PDS5A: variants seen among roughly 807,000 people sequenced by gnomAD.
PDS5A encodes the protein sister chromatid cohesion protein PDS5 homolog A.
A neutral mutation model predicts 167.1 loss-of-function variants in PDS5A; 42 were observed. The observed-to-expected ratio is 0.25, with a 90% CI of 0.20 to 0.33. The LOEUF (loss-of-function observed/expected upper bound fraction) is 0.33. Among genes scored for constraint, PDS5A ranks in the 10% least tolerant of loss-of-function variants. PDS5A has a pLI of 1.00. For synonymous variants in PDS5A, 553 were observed against 554.6 expected, an observed-to-expected ratio of 1.00 and a Z score of 0.04; for missense variants, 1,033 against 1,605.9, an observed-to-expected ratio of 0.64 and a Z score of 6.10.
chr4:39,885,056 A>C lies in PDS5A; in HGVS notation c.1886+5193T>G, dbSNP rs201977895. On this transcript the variant is annotated intron_variant, in intron 17 of 32. Transcript: ENST00000303538. The stretch of plus-strand genomic sequence containing the variant: ...GGTGGGCAGATTGCTTGAGCACAGG[A>C]GCTCGAGACCAGCCTGGCCAAGATG... Among the ~76,000 whole-genome samples the C allele has an allele frequency of 2.0e-5, 3 of 152,150 alleles. No individual in the cohort carries two copies. The East Asian group carries it at 5.8e-4, about 29-fold the overall frequency.
At chr4:39,957,947 G>C (rs1729117130) in intron 2 of PDS5A, among the ~76,000 whole-genome samples, 1 of 152,084 alleles carries the variant, frequency 6.6e-6, no homozygotes. Context: ...CCTGAGGTCA[G>C]GAGTTCAAGA....
chr4:39,896,047 T>A (rs1302947051), intron 16 of PDS5A, among the ~76,000 whole-genome samples: 1 of 148,304 alleles, frequency 6.7e-6, no homozygotes, highest in South Asian at 2.2e-4. Context: ...TTTTAGCTTT[T>A]AAAAAAATTT....
At chr4:39,971,201 C>A (rs532176806) in intron 2 of PDS5A, among the ~76,000 whole-genome samples, 2 of 152,232 alleles carry the variant, frequency 1.3e-5, no homozygotes, top group South Asian at 4.1e-4. Flanking sequence ...CTTTGTCACC[C>A]AGGCTGGAGT....
intron 9 of PDS5A, 88 bp downstream of exon 9, chr4:39,913,523 G>A: frequency 2.9e-6 from 2 of 686,960 alleles, no homozygotes; most frequent in Non-Finnish European, 5.3e-6. Flanking sequence ...ATTAATGAAA[G>A]TTTTGATATG....
chr4:39,905,977 G>T (rs1317859789), intron 11 of PDS5A, among the ~76,000 whole-genome samples: 1 of 149,974 alleles, frequency 6.7e-6, no homozygotes, highest in African/African-American at 2.4e-5. Context: ...ATAACAAGAG[G>T]TGCTTTTGGA....
At chr4:39,826,868 T>C (rs1715372737) in intron 32 of PDS5A, among the ~76,000 whole-genome samples, 1 of 152,218 alleles carries the variant, frequency 6.6e-6, no homozygotes, top group Non-Finnish European at 1.5e-5. Flanking sequence ...AAGAAAGATA[T>C]ATTCCCAAAC....
intron 2 of PDS5A, among the ~76,000 whole-genome samples, chr4:39,961,318 A>G (rs1286695323): frequency 1.3e-5 from 2 of 151,522 alleles, no homozygotes; most frequent in African/African-American, 4.9e-5. Context: ...ATTTTTTTTG[A>G]GATGGAGTCT....
In PDS5A at chr4:39,924,539, A is replaced by G. The variant is rs184905864; in HGVS notation, c.527+1297T>C. On this transcript the variant is annotated intron_variant, in intron 5 of 32. Transcript: ENST00000303538. ...ACCATTCCATCTAAGGAAAAAGAAAATATGATATAGCATTCATTAAAACTC... is the reference window on the plus strand; with the variant it reads ...ACCATTCCATCTAAGGAAAAAGAAAGTATGATATAGCATTCATTAAAACTC... Among the ~76,000 whole-genome samples, 121 of 152,364 alleles carry G rather than the reference A, an allele frequency of 7.9e-4. 3 individuals are homozygous for G. The South Asian group carries it at 0.022, about 28-fold the overall frequency.
chr4:39,969,526 C>T (rs1006489493), intron 2 of PDS5A, among the ~76,000 whole-genome samples: 10 of 151,906 alleles, frequency 6.6e-5, no homozygotes, highest in African/African-American at 1.9e-4. Flanking sequence ...GTTAGCCAGG[C>T]GTGGTGGTGG....
At chr4:39,916,988 T>A in intron 8 of PDS5A, 60 bp downstream of exon 8, 1 of 1,026,988 alleles carries the variant, frequency 9.7e-7, no homozygotes, top group Non-Finnish European at 1.3e-6. Flanking sequence ...CAATTTTACA[T>A]TGTGCCTGCT....
chr4:39,857,351 C>CAAAAAAAAAA (rs1188060445), intron 26 of PDS5A, among the ~76,000 whole-genome samples: 3 of 67,750 alleles, frequency 4.4e-5, no homozygotes, highest in African/African-American at 1.6e-4. Context: ...GACTCCATCT[C>CAAAAAAAAAA]AAAAAAAAAA....
At chr4:39,884,148 C>A (rs1721207100) in intron 17 of PDS5A, among the ~76,000 whole-genome samples, 1 of 151,440 alleles carries the variant, frequency 6.6e-6, no homozygotes, top group South Asian at 2.1e-4. Flanking sequence ...AGGCTAGTCT[C>A]AAACTCCTGA....
chr4:39,962,100 C>T (rs1186757702), intron 2 of PDS5A, among the ~76,000 whole-genome samples: 1 of 152,032 alleles, frequency 6.6e-6, no homozygotes, highest in Non-Finnish European at 1.5e-5. Context: ...CTCTGTTGCC[C>T]AGGATGGAGT....
chr4:39,902,072 C>G (rs1392256559), intron 13 of PDS5A, among the ~76,000 whole-genome samples: 1 of 152,096 alleles, frequency 6.6e-6, no homozygotes, highest in Non-Finnish European at 1.5e-5. Context: ...GGATAAAGCA[C>G]CAGTAGTTTT....
At chr4:39,942,297 T>C (rs1182776078) in intron 2 of PDS5A, among the ~76,000 whole-genome samples, 1 of 152,196 alleles carries the variant, frequency 6.6e-6, no homozygotes, top group Non-Finnish European at 1.5e-5. Context: ...TGAGCCTCTT[T>C]ACAGCTTTAC....
At chr4:39,882,035 G>C (rs1276546662) in intron 17 of PDS5A, among the ~76,000 whole-genome samples, 1 of 152,134 alleles carries the variant, frequency 6.6e-6, no homozygotes, top group Non-Finnish European at 1.5e-5. Context: ...CACTGTGATT[G>C]TGAGGCCTCC....
intron 17 of PDS5A, among the ~76,000 whole-genome samples, chr4:39,885,198 T>C (rs1298528621): frequency 1.5e-5 from 2 of 135,892 alleles, no homozygotes; most frequent in Non-Finnish European, 3.1e-5. Flanking sequence ...TGAGCTGAGA[T>C]CGTGACACTG....
At chr4:39,945,024 C>G (rs1727616184) in intron 2 of PDS5A, among the ~76,000 whole-genome samples, 1 of 152,120 alleles carries the variant, frequency 6.6e-6, no homozygotes, top group Non-Finnish European at 1.5e-5. Context: ...TGTGTTCCTG[C>G]TATGCGTCAG....
intron 19 of PDS5A, among the ~76,000 whole-genome samples, chr4:39,875,959 G>A (rs1335430072): frequency 1.3e-5 from 2 of 151,976 alleles, no homozygotes; most frequent in Non-Finnish European, 2.9e-5. Flanking sequence ...TGCCATCAGA[G>A]TTGTTATTGA....
Sources: gnomAD v4.1 joint callset for allele counts (sites outside exome capture counted in the v4.1 genomes callset) on GRCh38, gnomAD v4.1.1 for gene constraint, MANE v1.5 for transcripts, NCBI Gene and HGNC (gene_info 2026-07-23, HGNC 2026-07-21) for gene names.